Variants in ABTB2 observed in about 807,000 individuals in gnomAD.
ABTB2 encodes the protein ankyrin repeat and BTB/POZ domain-containing protein 2.
ABTB2 carries 56 observed loss-of-function variants against 104.1 expected under a neutral mutation model. The observed-to-expected ratio is 0.54, with a 90% confidence interval of 0.43 to 0.67. The LOEUF (loss-of-function observed/expected upper bound fraction) is 0.67, where lower values mean the gene tolerates loss of function less well. Among genes scored for constraint, ABTB2 ranks in the 30% least tolerant of loss-of-function variants. The pLI, the probability that ABTB2 is intolerant of heterozygous loss-of-function variation, is 0.00. For synonymous variants in ABTB2, 606 were observed against 608.2 expected, an observed-to-expected ratio of 1.00 and a Z score of 0.05; for missense variants, 1,279 against 1,407.7, an observed-to-expected ratio of 0.91 and a Z score of 1.46.
At position 34,252,341 on chromosome 11, in the gene ABTB2, G is replaced by T. The variant is rs749457468; in HGVS notation, c.884-47651C>A. Among the ~76,000 whole-genome samples the T allele has an allele frequency of 6.6e-6, 1 of 152,150 alleles. No homozygotes were observed. The highest frequency in any genetic ancestry group is 1.5e-5 in the Non-Finnish European group (1 of 68,028). The stretch of plus-strand genomic sequence containing the variant: ...TTTGGACTGGCCCCATCTCTTCCCT[G>T]GCTTGGGGCTGACTTCCCTTTAGGA... On this transcript the variant is annotated intron_variant, in intron 1 of 16. Transcript: ENST00000435224. The surrounding 1 kb of genome is among the most constrained non-coding windows in gnomAD (Gnocchi z 5.5).
At chr11:34,173,845 G>C (rs920992632) in intron 3 of ABTB2, among the ~76,000 whole-genome samples, 1 of 152,214 alleles carries the variant, frequency 6.6e-6, no homozygotes, top group African/African-American at 2.4e-5. Context: ...AAGCACACTC[G>C]AGTCTGGTTC....
chr11:34,188,569 TATTC>T (rs1853132798), intron 3 of ABTB2, among the ~76,000 whole-genome samples: 4 of 152,212 alleles, frequency 2.6e-5, no homozygotes, highest in Non-Finnish European at 5.9e-5. Flanking sequence ...ACCCAATAGC[TATTC>T]TTATTTCATT....
At chr11:34,160,384 T>G in intron 11 of ABTB2, 31 bp from the exon 12 acceptor site, 7 of 1,493,686 alleles carry the variant, frequency 4.7e-6, no homozygotes, top group Middle Eastern at 1.7e-4. Context: ...GCCTGTGAGC[T>G]GCCCGCTGTG....
chr11:34,316,447 G>A (rs1029116008), intron 1 of ABTB2, among the ~76,000 whole-genome samples: 2 of 152,184 alleles, frequency 1.3e-5, no homozygotes, highest in African/African-American at 4.8e-5. Context: ...CAGTGGATGG[G>A]CTGAGCCTTC....
chr11:34,176,279 CAAAA>C (rs58009507), intron 3 of ABTB2, among the ~76,000 whole-genome samples: 1 of 74,828 alleles, frequency 1.3e-5, no homozygotes, highest in South Asian at 5.4e-4. Flanking sequence ...GACTCCGTCT[CAAAA>C]AAAAAAAAAA....
chr11:34,324,900 C>T (rs1290028243), intron 1 of ABTB2, among the ~76,000 whole-genome samples: 1 of 152,230 alleles, frequency 6.6e-6, no homozygotes, highest in African/African-American at 2.4e-5. Context: ...GACTGTATCA[C>T]CTCCCTCCAC....
intron 8 of ABTB2, 98 bp downstream of exon 8, chr11:34,165,162 G>T: frequency 1.7e-6 from 2 of 1,148,978 alleles, no homozygotes; most frequent in Non-Finnish European, 2.4e-6. Flanking sequence ...GGGTCCGTGT[G>T]TGCTAAAGAG....
intron 1 of ABTB2, among the ~76,000 whole-genome samples, chr11:34,286,261 G>A (rs1403067407): frequency 6.6e-6 from 1 of 151,640 alleles, no homozygotes; most frequent in African/African-American, 2.4e-5. Flanking sequence ...AGTTCAAGAC[G>A]AGCCTGGGCA....
chr11:34,330,479 T>C (rs116934547), intron 1 of ABTB2, among the ~76,000 whole-genome samples: 44 of 152,362 alleles, frequency 2.9e-4, no homozygotes, highest in Middle Eastern at 3.4e-3. Context: ...CAATAAATGG[T>C]AGCTATAATA....
chr11:34,269,607 G>T (rs1183560584), intron 1 of ABTB2, among the ~76,000 whole-genome samples: 1 of 152,222 alleles, frequency 6.6e-6, no homozygotes, highest in African/African-American at 2.4e-5. Context: ...CAACCAAATG[G>T]TAAGGCTGTG....
chr11:34,356,974 T>C lies in ABTB2; in HGVS notation c.610A>G (p.Thr204Ala). 1 of 1,593,318 alleles carries C rather than the reference T, an allele frequency of 6.3e-7. No individual in the cohort carries two copies. Among genetic ancestry groups the C allele is most frequent in the East Asian group, 2.3e-5 (1 of 44,092 alleles). The change falls in exon 1 of 17, where the codon ACC becomes GCC. Residue 204 changes from threonine to alanine, a missense_variant. Transcript: ENST00000435224. The surrounding 1 kb of genome is among the most constrained non-coding windows in gnomAD (Gnocchi z 4.6). The part of the protein sequence containing the change: ...RRGKSARCGL[T>A]FSVGRFFRWM... Reference sequence around the variant, plus strand: ...CGGAAAAAGCGACCCACTGAGAAGGTGAGGCCGCAGCGCGCGGACTTGCCC... The same window carrying C: ...CGGAAAAAGCGACCCACTGAGAAGGCGAGGCCGCAGCGCGCGGACTTGCCC...
chr11:34,158,703 TG>T (rs1202715140), intron 14 of ABTB2, among the ~76,000 whole-genome samples: 1 of 152,256 alleles, frequency 6.6e-6, no homozygotes, highest in Non-Finnish European at 1.5e-5. Context: ...CTGCCCTGAC[TG>T]GAGTTTCTAG....
chr11:34,198,822 C>T (rs973179546), intron 2 of ABTB2, among the ~76,000 whole-genome samples: 1 of 152,226 alleles, frequency 6.6e-6, no homozygotes, highest in African/African-American at 2.4e-5. Context: ...CACCTGCAGG[C>T]ACCTCCGCTC....
At chr11:34,174,426 A>C (rs897019949) in intron 3 of ABTB2, among the ~76,000 whole-genome samples, 2 of 152,096 alleles carry the variant, frequency 1.3e-5, no homozygotes, top group African/African-American at 2.4e-5. Flanking sequence ...CTAAGAGCCC[A>C]CAAAAGCAGG....
At chr11:34,337,138 G>T (rs1018886238) in intron 1 of ABTB2, among the ~76,000 whole-genome samples, 1 of 152,230 alleles carries the variant, frequency 6.6e-6, no homozygotes, top group Non-Finnish European at 1.5e-5. Context: ...ATGAGTGCTG[G>T]CTAAGAGGAG....
rs145653526 is a variant in ABTB2 at position 34,341,136 on chromosome 11, T to C, written c.883+15565A>G. ...AGTTCTTACTGTGTGCCAAGCCTTA[T>C]GCTAACTGTTTTATATACATTTTGT... On this transcript the variant is annotated intron_variant, in intron 1 of 16. Coordinates refer to ENST00000435224, the MANE Select transcript of ABTB2 (RefSeq NM_145804.3). Among the ~76,000 whole-genome samples, 1,357 of 152,350 alleles carry C rather than the reference T, an allele frequency of 8.9e-3. 22 individuals carry two copies. The highest frequency in any genetic ancestry group is 0.031 in the African/African-American group (1,273 of 41,586).
chr11:34,202,996 C>G (rs1853363249), intron 2 of ABTB2, among the ~76,000 whole-genome samples: 1 of 152,172 alleles, frequency 6.6e-6, no homozygotes, highest in African/African-American at 2.4e-5. Context: ...ATGTCAAGCC[C>G]TTACCTAGGG....
chr11:34,196,077 C>G (rs1351048691), intron 3 of ABTB2, among the ~76,000 whole-genome samples: 1 of 152,172 alleles, frequency 6.6e-6, no homozygotes, highest in Non-Finnish European at 1.5e-5. Flanking sequence ...TTTCCCACTT[C>G]CTGGACCCTC....
chr11:34,216,778 A>G (rs1050992721), intron 1 of ABTB2, among the ~76,000 whole-genome samples: 3 of 152,196 alleles, frequency 2.0e-5, no homozygotes, highest in Non-Finnish European at 4.4e-5. Context: ...AAGAAAAGAA[A>G]TATACATTTA....
Sources: allele counts gnomAD v4.1 joint callset (sites outside exome capture counted in the v4.1 genomes callset), GRCh38; gene constraint gnomAD v4.1.1; non-coding constraint Gnocchi (gnomAD v3.1); transcripts MANE v1.5; gene names NCBI Gene and HGNC (gene_info 2026-07-23, HGNC 2026-07-21).